The following CDH12 variants were observed in gnomAD, a reference collection of about 807,000 sequenced individuals.
CDH12 encodes the protein cadherin 12.
Under a neutral mutation model 74.1 loss-of-function variants are expected in CDH12, and 41 were observed. The observed-to-expected ratio is 0.55, with a 90% CI of 0.43 to 0.72. The LOEUF is 0.72. Among genes scored for constraint, CDH12 ranks in the 30% least tolerant of loss-of-function variants. The pLI, the probability that CDH12 is intolerant of heterozygous loss-of-function variation, is 0.00. For missense variants in CDH12, 945 were observed against 977.2 expected (o/e 0.97, Z 0.44); for synonymous variants, 399 against 355.0 (o/e 1.12, Z -1.39).
At chr5:21,782,662 T>C (rs939239277) in intron 11 of CDH12, among the ~76,000 whole-genome samples, 1 of 152,136 alleles carries the variant, frequency 6.6e-6, no homozygotes, top group Non-Finnish European at 1.5e-5. Context: ...TTAAGAACAA[T>C]TATCTCAAGA....
intron 5 of CDH12, among the ~76,000 whole-genome samples, chr5:21,984,819 C>G (rs146202466): frequency 0.057 from 8,618 of 152,120 alleles, 752 homozygotes; most frequent in African/African-American, 0.19. Context: ...AAACCATTCT[C>G]AACATTTTGT....
chr5:21,792,931 A>G (rs1356776347), intron 10 of CDH12, among the ~76,000 whole-genome samples: 1 of 151,826 alleles, frequency 6.6e-6, no homozygotes, highest in Non-Finnish European at 1.5e-5. Context: ...ATATTAAAAA[A>G]TGCAGACTGT....
chr5:21,912,693 A>G (rs1179314232), intron 6 of CDH12, among the ~76,000 whole-genome samples: 1 of 152,174 alleles, frequency 6.6e-6, no homozygotes, highest in Admixed American at 6.5e-5. Flanking sequence ...CACCCTAAAC[A>G]TGACATCCCA....
In CDH12 at chr5:22,199,273, C is replaced by T. The variant is rs533017838; in HGVS notation, c.-187+13225G>A. On this transcript the variant is annotated intron_variant, in intron 4 of 14. Transcript: ENST00000382254. The stretch of plus-strand genomic sequence containing the variant: ...AACAAAACCAAAGACAACGAAGAGA[C>T]TCTATGTTGATACATGTGTGGCTAC... Among the ~76,000 whole-genome samples the T allele has an allele frequency of 9.2e-5, 14 of 152,220 alleles. No individual in the cohort carries two copies. The South Asian group carries it at 2.9e-3, about 32-fold the overall frequency.
chr5:22,390,569 G>A (rs1238707738), intron 3 of CDH12, among the ~76,000 whole-genome samples: 1 of 135,388 alleles, frequency 7.4e-6, no homozygotes, highest in South Asian at 2.6e-4. Context: ...TACATGGATG[G>A]ATGGAGAGAT....
chr5:22,472,050 C>A (rs1745980482), intron 2 of CDH12, among the ~76,000 whole-genome samples: 1 of 152,024 alleles, frequency 6.6e-6, no homozygotes. Context: ...TCTTTCTAAA[C>A]CAACTGAATC....
chr5:22,325,763 C>A (rs1739064580), intron 3 of CDH12, among the ~76,000 whole-genome samples: 4 of 152,058 alleles, frequency 2.6e-5, no homozygotes, highest in Admixed American at 2.6e-4. Context: ...AAAAAATTAG[C>A]CGGGCGTGGT....
At chr5:22,293,222 A>G (rs115478534) in intron 3 of CDH12, among the ~76,000 whole-genome samples, 6,132 of 152,202 alleles carry the variant, frequency 0.04, 436 homozygotes, top group African/African-American at 0.14. Context: ...ACCCCAGCCA[A>G]CGGGGACCGG....
intron 6 of CDH12, among the ~76,000 whole-genome samples, chr5:21,891,378 G>A (rs1298200238): frequency 6.6e-6 from 1 of 151,950 alleles, no homozygotes; most frequent in Non-Finnish European, 1.5e-5. Context: ...TCTTTCATAG[G>A]CTTAGAATTT....
intron 5 of CDH12, among the ~76,000 whole-genome samples, chr5:21,981,574 C>A (rs930526564): frequency 5.3e-5 from 8 of 152,066 alleles, no homozygotes; most frequent in African/African-American, 1.9e-4. Context: ...ATAGCATTAA[C>A]ACCTTTACGC....
At chr5:22,086,517 TTTTGTTTGTTTG>T (rs371758444) in intron 4 of CDH12, among the ~76,000 whole-genome samples, 1 of 151,056 alleles carries the variant, frequency 6.6e-6, no homozygotes, top group Non-Finnish European at 1.5e-5. Context: ...CTAATTTGTT[TTTTGTTTGTTTG>T]TTTGTTTGTT....
chr5:22,546,696 G>C (rs767969333), intron 1 of CDH12, among the ~76,000 whole-genome samples: 1 of 152,088 alleles, frequency 6.6e-6, no homozygotes, highest in Non-Finnish European at 1.5e-5. Flanking sequence ...GCATAGTAAG[G>C]AAAGAAGAAT....
chr5:22,582,093 C>CT (rs1399011782), intron 1 of CDH12, among the ~76,000 whole-genome samples: 5 of 152,048 alleles, frequency 3.3e-5, no homozygotes, highest in Non-Finnish European at 7.4e-5. Flanking sequence ...AAATCAAATA[C>CT]CCTCATATGT....
At chr5:21,927,313 C>T (rs569946406) in intron 6 of CDH12, among the ~76,000 whole-genome samples, 198 of 152,082 alleles carry the variant, frequency 1.3e-3, no homozygotes, top group African/African-American at 4.5e-3. Flanking sequence ...AGGCCGGGCA[C>T]GGTGGCTCAC....
chr5:22,501,168 C>T (rs1466311043), intron 2 of CDH12, among the ~76,000 whole-genome samples: 1 of 152,014 alleles, frequency 6.6e-6, no homozygotes, highest in African/African-American at 2.4e-5. Context: ...GGAAAGTGAC[C>T]TTTAAGATTA....
At chr5:21,883,186 T>G in intron 6 of CDH12, 6 of 1,462,330 alleles carry the variant, frequency 4.1e-6, no homozygotes, top group Non-Finnish European at 5.8e-6. Flanking sequence ...AAGGGTGTCA[T>G]CACAGTAAAG....
chr5:21,879,979 C>G (rs1365984238), intron 6 of CDH12, among the ~76,000 whole-genome samples: 1 of 152,178 alleles, frequency 6.6e-6, no homozygotes, highest in Non-Finnish European at 1.5e-5. Flanking sequence ...AGTGAGTGGT[C>G]TTAAGAAAGA....
intron 3 of CDH12, among the ~76,000 whole-genome samples, chr5:22,373,522 T>C (rs751666115): frequency 6.6e-5 from 10 of 152,146 alleles, no homozygotes; most frequent in Non-Finnish European, 1.0e-4. Flanking sequence ...CAGCATACAG[T>C]GTTCTGGGGC....
intron 4 of CDH12, among the ~76,000 whole-genome samples, chr5:22,126,543 T>A (rs1404720370): frequency 1.3e-5 from 2 of 152,218 alleles, no homozygotes; most frequent in African/African-American, 2.4e-5. Flanking sequence ...AAAAAACTTA[T>A]ATACACTTTG....
Sources: allele counts gnomAD v4.1 joint callset (sites outside exome capture counted in the v4.1 genomes callset), GRCh38; gene constraint gnomAD v4.1.1; transcripts MANE v1.5; gene names NCBI Gene and HGNC (gene_info 2026-07-23, HGNC 2026-07-21).